The following FAM149A variants were observed in gnomAD, a reference collection of about 807,000 sequenced individuals.
FAM149A encodes the protein family with sequence similarity 149 member A.
In FAM149A, 71 loss-of-function variants were observed where a neutral mutation model predicts 78.2. That is an observed-to-expected ratio of 0.91 (90% CI 0.75 to 1.11). FAM149A has a LOEUF of 1.11. Ranked by LOEUF, FAM149A falls within the 50% of genes least tolerant of loss-of-function variation. FAM149A has a pLI of 0.00. For missense variants in FAM149A, 1,036 were observed against 971.0 expected, an observed-to-expected ratio of 1.07 and a Z score of -0.89; for synonymous variants, 446 against 410.5, an observed-to-expected ratio of 1.09 and a Z score of -1.04.
intron 1 of FAM149A, among the ~76,000 whole-genome samples, chr4:186,135,472 C>T (rs1258268718): frequency 2.6e-5 from 4 of 152,162 alleles, no homozygotes; most frequent in Non-Finnish European, 4.4e-5. Flanking sequence ...TGAACCATAG[C>T]TGCAGAGGAA....
chr4:186,116,658 C>T, intron 1 of FAM149A: 1 of 964,480 alleles, frequency 1.0e-6, no homozygotes, highest in South Asian at 4.8e-5. Context: ...AGGGCAGCGG[C>T]ACGATCTCGG....
At chr4:186,106,450 A>T (rs2099308791) in intron 1 of FAM149A, among the ~76,000 whole-genome samples, 1 of 152,166 alleles carries the variant, frequency 6.6e-6, no homozygotes, top group South Asian at 2.1e-4. Context: ...GTAAATTTTC[A>T]TCCTGAATGC....
intron 1 of FAM149A, chr4:186,117,947 G>A (rs1469106612): frequency 2.0e-6 from 2 of 985,274 alleles, no homozygotes; most frequent in African/African-American, 1.7e-5. Context: ...TGGCTGGGAG[G>A]AGAGTGCCAC....
intron 8 of FAM149A, among the ~76,000 whole-genome samples, chr4:186,160,472 CCA>C (rs1035486879): frequency 6.8e-6 from 1 of 147,056 alleles, no homozygotes; most frequent in African/African-American, 2.5e-5. Context: ...ACACCATACA[CCA>C]CACACACACC....
intron 1 of FAM149A, among the ~76,000 whole-genome samples, chr4:186,136,934 T>C (rs902411327): frequency 2.5e-5 from 3 of 120,880 alleles, no homozygotes; most frequent in Non-Finnish European, 3.5e-5. Context: ...ATACACTGAT[T>C]GATCTCTCTC....
At chr4:186,158,279 C>G in intron 8 of FAM149A, 7 of 1,226,650 alleles carry the variant, frequency 5.7e-6, no homozygotes, top group Non-Finnish European at 7.3e-6. Flanking sequence ...CGACCACCAG[C>G]CTCTCAGAGA....
chr4:186,153,315 C>A, intron 4 of FAM149A: 1 of 920,638 alleles, frequency 1.1e-6, no homozygotes, highest in Non-Finnish European at 1.3e-6. Context: ...CTTCTTTGTG[C>A]CCAGTGTTGC....
At chr4:186,159,036 T>A (rs1046275631) in intron 8 of FAM149A, among the ~76,000 whole-genome samples, 2 of 152,148 alleles carry the variant, frequency 1.3e-5, no homozygotes, top group Non-Finnish European at 2.9e-5. Flanking sequence ...ATTAAAAAAA[T>A]GCTTTCCCCT....
In FAM149A at chr4:186,163,558, C is replaced by T; in HGVS notation, c.1814C>T (p.Pro605Leu). ...AAAACACCAGTGCCCTGGAGGCTGC[C>T]TTCTCTTGCTTCAGATTCACAGAGA... Residue 605 changes from proline to leucine, a missense_variant, in exon 10 of 14, where the codon CCT (proline) becomes CTT (leucine). Physicochemically the swap from Pro to Leu is moderately conservative, Grantham distance 98. Around this residue, in one of 3 missense-constraint regions of FAM149A, gnomAD observed 716 missense variants for 711.8 expected, o/e 1.01. Transcript: ENST00000389354. 6.2e-7 allele frequency: 1 copy of T among 1,614,158 alleles called. No individual in the cohort carries two copies. The highest frequency in any genetic ancestry group is 8.5e-7 in the Non-Finnish European group (1 of 1,180,020).
At chr4:186,140,188 C>T (rs751574730) in intron 1 of FAM149A, among the ~76,000 whole-genome samples, 5 of 152,118 alleles carry the variant, frequency 3.3e-5, no homozygotes, top group Non-Finnish European at 5.9e-5. Context: ...AGAGCCAGCA[C>T]GTGAAATCAG....
intron 1 of FAM149A, among the ~76,000 whole-genome samples, chr4:186,122,191 T>A (rs1173870237): frequency 6.6e-6 from 1 of 152,214 alleles, no homozygotes; most frequent in African/African-American, 2.4e-5. Flanking sequence ...GACAGTAGGC[T>A]GTTCTAAAAG....
At chr4:186,143,082 A>G (rs1044775003) in intron 1 of FAM149A, among the ~76,000 whole-genome samples, 3 of 151,972 alleles carry the variant, frequency 2.0e-5, no homozygotes, top group Admixed American at 2.0e-4. Flanking sequence ...TATGTAAAAT[A>G]ATATATATAA....
chr4:186,167,518 A>T, intron 13 of FAM149A: 3 of 451,432 alleles, frequency 6.6e-6, no homozygotes, highest in Admixed American at 3.5e-5. Flanking sequence ...ACTCAAAAAA[A>T]AAAAAAAAAA....
At chr4:186,160,101 TACACACACCACGC>T (rs1320223641) in intron 8 of FAM149A, among the ~76,000 whole-genome samples, 51 of 62,076 alleles carry the variant, frequency 8.2e-4, no homozygotes, top group African/African-American at 3.4e-3. Flanking sequence ...ACATACACAC[TACACACACCACGC>T]ACACACACCA....
chr4:186,117,485 G>C (rs1162531550), intron 1 of FAM149A: 1 of 985,310 alleles, frequency 1.0e-6, no homozygotes, highest in African/African-American at 1.7e-5. Flanking sequence ...TGCTGAACGA[G>C]GGGCGATGTC....
At chr4:186,154,974 T>G (rs1041544017) in intron 6 of FAM149A, 3 of 982,710 alleles carry the variant, frequency 3.1e-6, no homozygotes, top group Non-Finnish European at 3.6e-6. Context: ...GTTCTTTTTT[T>G]TTTTTTGAGA....
At chr4:186,139,598 G>A (rs75312286) in intron 1 of FAM149A, among the ~76,000 whole-genome samples, 19,358 of 152,148 alleles carry the variant, frequency 0.13, 2,482 homozygotes, top group African/African-American at 0.33. Flanking sequence ...CTTCAGACCT[G>A]TGGGAGATAG....
At chr4:186,126,345 G>C (rs1261807216) in intron 1 of FAM149A, among the ~76,000 whole-genome samples, 2 of 152,058 alleles carry the variant, frequency 1.3e-5, no homozygotes, top group African/African-American at 4.8e-5. Context: ...GTGTCAACTT[G>C]ACTGAGCTAA....
At chr4:186,120,866 T>TTC (rs1418422700) in intron 1 of FAM149A, among the ~76,000 whole-genome samples, 2 of 142,586 alleles carry the variant, frequency 1.4e-5, no homozygotes, top group Non-Finnish European at 3.1e-5. Flanking sequence ...TTTTTTTTTT[T>TTC]CTTTTGAGAC....
Sources: allele counts gnomAD v4.1 joint callset (sites outside exome capture counted in the v4.1 genomes callset), GRCh38; gene constraint gnomAD v4.1.1; regional missense constraint gnomAD v4.1.1; transcripts MANE v1.5; gene names NCBI Gene and HGNC (gene_info 2026-07-23, HGNC 2026-07-21).